KIRREL1: variants seen among roughly 807,000 people sequenced by gnomAD.
KIRREL1 encodes the protein kirre like nephrin family adhesion molecule 1.
A neutral mutation model predicts 83.3 loss-of-function variants in KIRREL1; 25 were observed. The ratio of observed to expected loss-of-function variants is 0.30; its 90% CI spans 0.22 to 0.42. The LOEUF is 0.42. KIRREL1 is among the 10% of genes least tolerant of loss of function. KIRREL1 has a pLI of 1.00. For missense variants in KIRREL1, 812 were observed against 1,032.3 expected (o/e 0.79, Z 2.92); for synonymous variants, 388 against 410.4 (o/e 0.95, Z 0.66).
chr1:158,012,054 G>A (rs922389150), intron 1 of KIRREL1, among the ~76,000 whole-genome samples: 2 of 151,870 alleles, frequency 1.3e-5, no homozygotes, highest in African/African-American at 2.4e-5. Context: ...TTTGGACTTA[G>A]GTCTGTTTTT....
Position 158,091,652 on chromosome 1 carries a change from C to T in KIRREL1, c.1471+96C>T, listed in dbSNP as rs549046291. The T allele has an allele frequency of 2.7e-3, 3,274 of 1,194,366 alleles. 11 individuals carry two copies. The highest frequency in any genetic ancestry group is 3.7e-3 in the Non-Finnish European group (3,024 of 825,132). 74.0% of individuals were successfully genotyped at this position (1,194,366 alleles called of 1,614,324 possible). The stretch of plus-strand genomic sequence containing the variant: ...GGGCAGGGCTCAGCTGCTCCCCTTC[C>T]CTTGGGCTCTGCTCTGAGGGAGGGG... On this transcript the variant is annotated intron_variant, in intron 11 of 14. Coordinates refer to ENST00000359209, the MANE Select transcript of KIRREL1 (RefSeq NM_018240.7).
intron 3 of KIRREL1, among the ~76,000 whole-genome samples, chr1:158,078,973 G>A (rs1258673461): frequency 6.6e-6 from 1 of 151,468 alleles, no homozygotes. Flanking sequence ...CACCCACTCA[G>A]CCCCCAGCCT....
intron 1 of KIRREL1, among the ~76,000 whole-genome samples, chr1:158,057,556 G>C (rs555183205): frequency 6.6e-6 from 1 of 152,144 alleles, no homozygotes; most frequent in Non-Finnish European, 1.5e-5. Flanking sequence ...CCATTAGTCA[G>C]TTCATATCCA....
intron 1 of KIRREL1, among the ~76,000 whole-genome samples, chr1:158,017,615 C>T (rs1659868657): frequency 6.6e-6 from 1 of 151,966 alleles, no homozygotes; most frequent in African/African-American, 2.4e-5. Context: ...TCGCTTGAAC[C>T]CAGGAGGAGG....
At chr1:158,049,501 A>G (rs1226439832) in intron 1 of KIRREL1, among the ~76,000 whole-genome samples, 3 of 152,214 alleles carry the variant, frequency 2.0e-5, no homozygotes, top group Non-Finnish European at 4.4e-5. Flanking sequence ...GGTAAAGTGC[A>G]CGTTGACCAG....
chr1:158,095,371 C>G lies in KIRREL1; in HGVS notation c.*251C>G, dbSNP rs1662329904. 1 of 434,784 alleles carries G rather than the reference C, an allele frequency of 2.3e-6. No individual in the cohort carries two copies. Among genetic ancestry groups the G allele is most frequent in the Admixed American group, 4.0e-5 (1 of 24,744 alleles). The allele number at this position is 434,784 out of a possible 1,614,324, so 26.9% of individuals were successfully genotyped here. On this transcript the variant is annotated 3_prime_UTR_variant, in exon 15 of 15. Transcript: ENST00000359209. ...GTGTCTCTTCTGACCTGCACTCTTG[C>G]CTGACCCTAGAATGGGGACAGGGAA...
rs550570256 is a variant in KIRREL1 at position 158,078,372 on chromosome 1, G to T, written c.352+232G>T. On this transcript the variant is annotated intron_variant, in intron 3 of 14. Coordinates refer to ENST00000359209, the MANE Select transcript of KIRREL1 (RefSeq NM_018240.7). ...GAGGCCCAGCATCCTCTCTGCCGCA[G>T]CCAGTGCCTCGGCCACTCAGGGACA... 6.8e-3 allele frequency among the ~76,000 whole-genome samples: 1,037 copies of T among 152,318 alleles called. 9 individuals are homozygous for T. Among genetic ancestry groups the T allele is most frequent in the South Asian group, 0.011 (54 of 4,822 alleles).
intron 1 of KIRREL1, among the ~76,000 whole-genome samples, chr1:158,075,675 G>C (rs547109834): frequency 6.6e-6 from 1 of 152,180 alleles, no homozygotes; most frequent in Non-Finnish European, 1.5e-5. Flanking sequence ...TTAATGTGGG[G>C]GTGGGCTGGG....
chr1:158,074,624 G>A (rs1196822563), intron 1 of KIRREL1, among the ~76,000 whole-genome samples: 5 of 152,140 alleles, frequency 3.3e-5, no homozygotes, highest in African/African-American at 1.2e-4. Flanking sequence ...GCCGAGTGAC[G>A]CGACCGGTTA....
At chr1:158,060,880 AG>A (rs1428239210) in intron 1 of KIRREL1, among the ~76,000 whole-genome samples, 1 of 152,118 alleles carries the variant, frequency 6.6e-6, no homozygotes, top group African/African-American at 2.4e-5. Context: ...GGGCACATTT[AG>A]GGGGTGGCTG....
chr1:158,012,107 T>C (rs549738384), intron 1 of KIRREL1, among the ~76,000 whole-genome samples: 1 of 152,116 alleles, frequency 6.6e-6, no homozygotes. Context: ...CCAATAAGAT[T>C]AAAAAATGTA....
Position 158,094,335 on chromosome 1 carries a change from T to C in KIRREL1, c.1742T>C (p.Leu581Pro), listed in dbSNP as rs1442081431. Residue 581 changes from leucine (L) to proline (P), a missense_variant, in exon 14 of 15, where the codon CTG becomes CCG. Leu to Pro is a moderately conservative substitution (Grantham distance 98). This residue lies in a region of KIRREL1 where 334 missense variants were observed against 383.7 expected (regional missense o/e 0.87). Coordinates refer to ENST00000359209, the MANE Select transcript of KIRREL1 (RefSeq NM_018240.7). The surrounding 1 kb of genome is among the most constrained non-coding windows in gnomAD (Gnocchi z 4.6). ...CAGTCGTTTAAGGATGATGTGGATC[T>C]GAAGCAGGACCTGCGCTGCGACACC... ...IYSSFKDDVD[L>P]KQDLRCDTID... 3 of 1,609,946 alleles carry C rather than the reference T, an allele frequency of 1.9e-6. No individual in the cohort carries two copies. Among genetic ancestry groups the C allele is most frequent in the Non-Finnish European group, 8.5e-7 (1 of 1,178,498 alleles).
intron 1 of KIRREL1, among the ~76,000 whole-genome samples, chr1:158,023,703 T>G (rs1206641470): frequency 1.3e-5 from 2 of 152,220 alleles, no homozygotes; most frequent in South Asian, 2.1e-4. Context: ...TAACATTCAG[T>G]GTCCTAACTC....
At chr1:158,086,562 C>T (rs1238867522) in intron 4 of KIRREL1, 34 bp from the exon 5 acceptor site, 15 of 1,547,958 alleles carry the variant, frequency 9.7e-6, no homozygotes, top group Non-Finnish European at 1.3e-5. Flanking sequence ...GGGCTTTTAG[C>T]TTAACCATAT....
intron 1 of KIRREL1, among the ~76,000 whole-genome samples, chr1:158,017,863 C>T (rs569112417): frequency 1.4e-5 from 2 of 144,008 alleles, no homozygotes; most frequent in African/African-American, 2.6e-5. Context: ...AAAGATCCTT[C>T]AGAATTAGAG....
At chr1:157,999,844 C>A (rs976210616) in intron 1 of KIRREL1, among the ~76,000 whole-genome samples, 1 of 152,116 alleles carries the variant, frequency 6.6e-6, no homozygotes, top group Admixed American at 6.5e-5. Flanking sequence ...AAATAATGGG[C>A]TCTCTCAGAG....
intron 10 of KIRREL1, among the ~76,000 whole-genome samples, chr1:158,090,979 G>A (rs970713080): frequency 1.3e-5 from 2 of 152,182 alleles, no homozygotes; most frequent in Non-Finnish European, 2.9e-5. Context: ...CATCTGGGAG[G>A]ATTCCCAGTG....
intron 4 of KIRREL1, among the ~76,000 whole-genome samples, chr1:158,085,378 GCC>G (rs1661985668): frequency 6.6e-6 from 1 of 152,184 alleles, no homozygotes; most frequent in South Asian, 2.1e-4. Context: ...CTTCAGTTCT[GCC>G]CTTAACACAC....
In KIRREL1 at chr1:158,084,547, G is replaced by A. The variant is rs942354482; in HGVS notation, c.478G>A (p.Gly160Arg). Reference sequence around the variant, plus strand: ...TGCCACCATCATCTGGTTCCGGGACGGGACGCAGCAGGAGGGCGCTGTGGC... The same window carrying A: ...TGCCACCATCATCTGGTTCCGGGACAGGACGCAGCAGGAGGGCGCTGTGGC... ...PAATIIWFRD[G>R]TQQEGAVAST... Residue 160 changes from glycine to arginine, a missense_variant, in exon 4 of 15, where the codon GGG becomes AGG. Gly to Arg is a moderately radical substitution (Grantham distance 125, BLOSUM62 -2). Coordinates refer to ENST00000359209, the MANE Select transcript of KIRREL1 (RefSeq NM_018240.7). 76 of 1,551,662 alleles carry A rather than the reference G, an allele frequency of 4.9e-5. No homozygotes were observed. The highest frequency in any genetic ancestry group is 6.2e-5 in the Non-Finnish European group (71 of 1,147,024).
Sources: allele counts gnomAD v4.1 joint callset (sites outside exome capture counted in the v4.1 genomes callset), GRCh38; gene constraint gnomAD v4.1.1; regional missense constraint gnomAD v4.1.1; non-coding constraint Gnocchi (gnomAD v3.1); transcripts MANE v1.5; gene names NCBI Gene and HGNC (gene_info 2026-07-23, HGNC 2026-07-21).